Variants in RTKN observed in about 807,000 individuals in gnomAD.
RTKN encodes the protein rhotekin.
In RTKN, 49 loss-of-function variants were observed where a neutral mutation model predicts 63.5. The ratio of observed to expected loss-of-function variants is 0.77; its 90% CI spans 0.61 to 0.98. RTKN has a LOEUF of 0.98. RTKN is among the 50% of genes least tolerant of loss of function. The probability of loss-of-function intolerance (pLI) is 0.00; values close to 1 mark genes in which losing one functional copy is unlikely to be tolerated. For synonymous variants in RTKN, 295 were observed against 290.4 expected (o/e 1.02, Z -0.16); for missense variants, 685 against 740.8 (o/e 0.92, Z 0.87).
chr2:74,429,248 G>A (rs11897853), intron 6 of RTKN, among the ~76,000 whole-genome samples: 2,681 of 152,130 alleles, frequency 0.018, 73 homozygotes, highest in African/African-American at 0.061. Context: ...TGGAAAGTGG[G>A]GGAGTTTGAA....
At chr2:74,439,573 C>T (rs1423088012) in intron 1 of RTKN, 2 of 1,614,144 alleles carry the variant, frequency 1.2e-6, no homozygotes, top group Middle Eastern at 1.6e-4. Context: ...TGCCATCTGC[C>T]GAATGTAGAG....
intron 1 of RTKN, among the ~76,000 whole-genome samples, chr2:74,435,436 T>C (rs1350655013): frequency 6.6e-6 from 1 of 152,174 alleles, no homozygotes; most frequent in African/African-American, 2.4e-5. Flanking sequence ...CGCTATACTT[T>C]GGTGGTAGCA....
intron 9 of RTKN, chr2:74,427,803 G>C: frequency 1.7e-6 from 1 of 574,332 alleles, no homozygotes; most frequent in South Asian, 2.3e-5. Context: ...AGCAGCTTGA[G>C]ACAGGGAAAA....
chr2:74,439,734 G>A, intron 1 of RTKN: 5 of 1,542,106 alleles, frequency 3.2e-6, no homozygotes, highest in Non-Finnish European at 4.4e-6. Flanking sequence ...CTTTAAAGAG[G>A]TGGCCAGCTC....
At chr2:74,426,662 A>C in intron 11 of RTKN, 88 bp from the exon 12 acceptor site, 1 of 1,471,052 alleles carries the variant, frequency 6.8e-7, no homozygotes, top group South Asian at 1.5e-5. Context: ...TGTCACTGTA[A>C]TAGGAGGAAA....
chr2:74,432,400 C>T (rs1670799914), intron 2 of RTKN, 67 bp downstream of exon 2: 1 of 1,437,662 alleles, frequency 7.0e-7, no homozygotes, highest in Admixed American at 1.7e-5. Context: ...CACACACGCA[C>T]ATGCTGCACC....
Position 74,436,966 on chromosome 2 carries a change from A to T in RTKN, c.112-4300T>A, listed in dbSNP as rs1304693265. 6.6e-6 allele frequency among the ~76,000 whole-genome samples: 1 copy of T among 152,174 alleles called. No individual in the cohort carries two copies. The highest frequency in any genetic ancestry group is 2.1e-4 in the South Asian group (1 of 4,832). On this transcript the variant is annotated intron_variant, in intron 1 of 11. Coordinates refer to ENST00000272430, the MANE Select transcript of RTKN (RefSeq NM_001015055.2). The surrounding 1 kb of genome is among the most constrained non-coding windows in gnomAD (Gnocchi z 4.3). ...GCTGGGTGTCAGCTGGACCCGGGTC[A>T]GATCCCAAGGGGCTAGAGGATGAGT...
intron 3 of RTKN, 34 bp downstream of exon 3, chr2:74,430,582 G>A (rs376926281): frequency 4.2e-5 from 68 of 1,613,870 alleles, no homozygotes; most frequent in Non-Finnish European, 5.3e-5. Flanking sequence ...CTTGGGCAAG[G>A]GGTACCAGCA....
rs1670438509 is a variant in RTKN, at chr2:74,427,093, C to T, written c.1360+76G>A. The T allele has an allele frequency of 2.6e-6, 4 of 1,547,642 alleles. No individual in the cohort carries two copies. In the South Asian group the frequency reaches 4.6e-5, roughly 18 times the overall value. ...CCCAGAGTGTGCTTTCTCTCTGTTT[C>T]CATTATCTGGTTTCTCTTGAAGTCC... On this transcript the variant is annotated intron_variant, in intron 11 of 11. Coordinates refer to ENST00000272430, the MANE Select transcript of RTKN (RefSeq NM_001015055.2).
At chr2:74,432,374 A>C in intron 2 of RTKN, 93 bp downstream of exon 2, 1 of 1,197,754 alleles carries the variant, frequency 8.3e-7, no homozygotes, top group Non-Finnish European at 1.2e-6. Flanking sequence ...AGTCATCTTT[A>C]AGGTGGTCCA....
intron 1 of RTKN, chr2:74,440,179 T>C: frequency 2.5e-6 from 1 of 406,828 alleles, no homozygotes; most frequent in Non-Finnish European, 3.4e-6. Context: ...CGAGAGGGGT[T>C]CCAGCTTAGT....
chr2:74,436,843 C>T lies in RTKN; in HGVS notation c.112-4177G>A, dbSNP rs935191260. ...AGGATCTGGACCCTTGTGCTTCTAG[C>T]GTTTCCCCAACCCAGGGATAGTTCC... On this transcript the variant is annotated intron_variant, in intron 1 of 11. Coordinates refer to ENST00000272430, the MANE Select transcript of RTKN (RefSeq NM_001015055.2). The surrounding 1 kb of genome is among the most constrained non-coding windows in gnomAD (Gnocchi z 4.3). 5.3e-5 allele frequency among the ~76,000 whole-genome samples: 8 copies of T among 152,136 alleles called. No homozygotes were observed. The highest frequency in any genetic ancestry group is 1.3e-4 in the Admixed American group (2 of 15,268).
chr2:74,438,879 G>A (rs1017879546), intron 1 of RTKN, among the ~76,000 whole-genome samples: 4 of 152,112 alleles, frequency 2.6e-5, no homozygotes, highest in South Asian at 2.1e-4. Flanking sequence ...TTATGTGTTC[G>A]TATGTATATT....
chr2:74,434,403 C>T (rs1193447208), intron 1 of RTKN, among the ~76,000 whole-genome samples: 2 of 151,978 alleles, frequency 1.3e-5, no homozygotes, highest in East Asian at 3.8e-4. Flanking sequence ...GCCTAGCCTC[C>T]GGAGTAGCTG....
At chr2:74,439,746 T>C in intron 1 of RTKN, 21 of 1,526,150 alleles carry the variant, frequency 1.4e-5, no homozygotes, top group Non-Finnish European at 1.8e-5. Flanking sequence ...GGCCAGCTCT[T>C]GGGCAGAGGG....
intron 6 of RTKN, among the ~76,000 whole-genome samples, chr2:74,429,357 A>C (rs1344856251): frequency 6.6e-6 from 1 of 152,172 alleles, no homozygotes; most frequent in Non-Finnish European, 1.5e-5. Flanking sequence ...CGGTGTCTCC[A>C]GGTGCATTTA....
intron 1 of RTKN, among the ~76,000 whole-genome samples, chr2:74,439,300 A>AGAGC (rs1181997289): frequency 6.6e-6 from 1 of 152,186 alleles, no homozygotes; most frequent in Non-Finnish European, 1.5e-5. Context: ...CAGAACAGAC[A>AGAGC]TTTACACTCA....
rs192025130 is a variant in RTKN at position 74,435,672 on chromosome 2, G to T, written c.112-3006C>A. Among the ~76,000 whole-genome samples, 27 of 152,302 alleles carry T rather than the reference G, an allele frequency of 1.8e-4. No individual in the cohort carries two copies. In the East Asian group the frequency reaches 4.1e-3, roughly 23 times the overall value. ...TAACTCTATCACAGTGTACAGATTGGTTCAGGAGACAAGTCGAGCCATCCA... is the reference window on the plus strand; with the variant it reads ...TAACTCTATCACAGTGTACAGATTGTTTCAGGAGACAAGTCGAGCCATCCA... On this transcript the variant is annotated intron_variant, in intron 1 of 11. Transcript: ENST00000272430.
rs186792101 is a variant in RTKN at position 74,441,904 on chromosome 2, T to A, written c.-88A>T. 2,131 of 774,526 alleles carry A rather than the reference T, an allele frequency of 2.8e-3. 34 individuals are homozygous for A. In the African/African-American group the frequency reaches 0.034, roughly 12 times the overall value. The allele number at this position is 774,526 out of a possible 1,614,324, so 48.0% of individuals were successfully genotyped here. On this transcript the variant is annotated 5_prime_UTR_variant, in exon 1 of 12. Transcript: ENST00000272430. ...CTCCTCGGCTTCTGTCTCTCGACGC[T>A]CGTCCGCCAGTCCGGCCGGGAATCT... is the stretch of plus-strand genomic sequence containing the variant.
Sources: allele counts gnomAD v4.1 joint callset (sites outside exome capture counted in the v4.1 genomes callset), GRCh38; gene constraint gnomAD v4.1.1; non-coding constraint Gnocchi (gnomAD v3.1); transcripts MANE v1.5; gene names NCBI Gene and HGNC (gene_info 2026-07-23, HGNC 2026-07-21).